The following ARB2A variants were observed in gnomAD, a reference collection of about 807,000 sequenced individuals.
The protein encoded by ARB2A is ARB2 cotranscriptional regulator A, also known as cotranscriptional regulator ARB2A.
the ARB2A span, among the ~76,000 whole-genome samples, chr5:93,932,112 T>C: frequency 6.6e-6 from 1 of 152,202 alleles, no homozygotes; most frequent in Non-Finnish European, 1.5e-5. Flanking sequence ...GGAATTGAGA[T>C]AGTTGGAGTT....
At chr5:93,814,760 T>G in the ARB2A span, among the ~76,000 whole-genome samples, 1 of 152,200 alleles carries the variant, frequency 6.6e-6, no homozygotes, top group South Asian at 2.1e-4. Context: ...GAATCAGTAA[T>G]TATCTTTAAT....
chr5:93,677,124 C>T, the ARB2A span, among the ~76,000 whole-genome samples: 7 of 152,264 alleles, frequency 4.6e-5, no homozygotes, highest in South Asian at 6.2e-4. Context: ...AGTAAAACTT[C>T]CCCATCTTTT....
chr5:93,936,575 T>C, the ARB2A span, among the ~76,000 whole-genome samples: 8 of 152,196 alleles, frequency 5.3e-5, no homozygotes, highest in South Asian at 1.4e-3. Context: ...TAATAATTAA[T>C]GTTATTTGGA....
the ARB2A span, among the ~76,000 whole-genome samples, chr5:93,817,693 G>T: frequency 6.6e-6 from 1 of 152,144 alleles, no homozygotes; most frequent in Non-Finnish European, 1.5e-5. Flanking sequence ...TTTGACAAGG[G>T]TGCTAAGACA....
the ARB2A span, among the ~76,000 whole-genome samples, chr5:93,773,488 A>ATTAAT: frequency 6.6e-6 from 1 of 152,236 alleles, no homozygotes; most frequent in Admixed American, 6.5e-5. Context: ...TTCAGGCAGG[A>ATTAAT]CGCTAATGGC....
At chr5:93,884,066 T>A in the ARB2A span, among the ~76,000 whole-genome samples, 292 of 151,606 alleles carry the variant, frequency 1.9e-3, 2 homozygotes, top group African/African-American at 6.8e-3. Context: ...AATGATAATA[T>A]GAAAAATTTC....
At chr5:93,793,951 G>A in the ARB2A span, among the ~76,000 whole-genome samples, 1 of 152,128 alleles carries the variant, frequency 6.6e-6, no homozygotes, top group Non-Finnish European at 1.5e-5. Flanking sequence ...CTTTGAGTAT[G>A]GGCACCAAAG....
the ARB2A span, among the ~76,000 whole-genome samples, chr5:94,104,884 A>T: frequency 6.6e-6 from 1 of 152,068 alleles, no homozygotes; most frequent in East Asian, 1.9e-4. Flanking sequence ...ACATAAACAA[A>T]CCTAAAAACA....
the ARB2A span, chr5:93,824,125 C>T: frequency 6.5e-7 from 1 of 1,544,354 alleles, no homozygotes; most frequent in Admixed American, 1.9e-5. Flanking sequence ...ACTGGAACTA[C>T]AGAGAGTAAA....
chr5:93,759,708 T>G, the ARB2A span, among the ~76,000 whole-genome samples: 1 of 152,110 alleles, frequency 6.6e-6, no homozygotes, highest in Non-Finnish European at 1.5e-5. Flanking sequence ...ACTTTATGAT[T>G]AAAACTCTCA....
chr5:94,104,250 C>T, the ARB2A span, among the ~76,000 whole-genome samples: 1 of 151,406 alleles, frequency 6.6e-6, no homozygotes, highest in Admixed American at 6.6e-5. Flanking sequence ...GATTGACAGA[C>T]CACTAGCTAG....
At chr5:94,095,970 CTT>C in the ARB2A span, among the ~76,000 whole-genome samples, 35 of 152,268 alleles carry the variant, frequency 2.3e-4, no homozygotes, top group African/African-American at 7.9e-4. Flanking sequence ...GAAAGAAATC[CTT>C]TCTTTTCTAT....
chr5:93,680,542 A>G, the ARB2A span, among the ~76,000 whole-genome samples: 1 of 152,146 alleles, frequency 6.6e-6, no homozygotes, highest in South Asian at 2.1e-4. Context: ...TTTTCAATGT[A>G]TCCTGCTATC....
At chr5:94,038,219 C>G in the ARB2A span, among the ~76,000 whole-genome samples, 2 of 152,050 alleles carry the variant, frequency 1.3e-5, no homozygotes, top group Non-Finnish European at 2.9e-5. Context: ...TAAAATTTCA[C>G]AAGTTACATG....
At chr5:93,737,933 T>G in the ARB2A span, 2 of 449,598 alleles carry the variant, frequency 4.4e-6, no homozygotes, top group South Asian at 1.6e-5. Context: ...TTTGGCAACA[T>G]GAAAAGCCTA....
chr5:93,655,918 C>A, the ARB2A span, among the ~76,000 whole-genome samples: 1 of 152,266 alleles, frequency 6.6e-6, no homozygotes, highest in East Asian at 1.9e-4. Context: ...TACTAATATA[C>A]GAAATCATTT....
At chr5:93,849,332 G>A in the ARB2A span, among the ~76,000 whole-genome samples, 1 of 151,966 alleles carries the variant, frequency 6.6e-6, no homozygotes, top group Non-Finnish European at 1.5e-5. Context: ...TAAAAATACA[G>A]AATGTAAAAA....
At chr5:94,055,663 C>T in the ARB2A span, 1 of 985,258 alleles carries the variant, frequency 1.0e-6, no homozygotes, top group Non-Finnish European at 1.2e-6. Context: ...TTCTTACCAC[C>T]TTGTAAATCT....
At chr5:93,843,851 G>T in the ARB2A span, among the ~76,000 whole-genome samples, 53 of 151,994 alleles carry the variant, frequency 3.5e-4, no homozygotes, top group African/African-American at 1.2e-3. Context: ...AAGCAAAGTT[G>T]TATAATGAGA....
Sources: gnomAD v4.1 joint callset for allele counts (sites outside exome capture counted in the v4.1 genomes callset) on GRCh38, gnomAD v4.1.1 for gene constraint, MANE v1.5 for transcripts, NCBI Gene and HGNC (gene_info 2026-07-23, HGNC 2026-07-21) for gene names.